Variants in DRC9 observed in about 807,000 individuals in gnomAD.
The protein encoded by DRC9 is dynein regulatory complex protein 9.
At chr3:197,905,996 G>A in the DRC9 span, among the ~76,000 whole-genome samples, 1 of 151,448 alleles carries the variant, frequency 6.6e-6, no homozygotes, top group Non-Finnish European at 1.5e-5. Flanking sequence ...GAAACCTACA[G>A]AGTAAATCTC....
chr3:197,955,650 T>G, the DRC9 span: 1 of 1,057,688 alleles, frequency 9.5e-7, no homozygotes, highest in Admixed American at 1.7e-5. Flanking sequence ...CTAGAACATG[T>G]AATTGGTAGC....
chr3:197,932,669 A>G, the DRC9 span, among the ~76,000 whole-genome samples: 1 of 145,346 alleles, frequency 6.9e-6, no homozygotes, highest in African/African-American at 2.7e-5. Flanking sequence ...AAATAAATAA[A>G]TAATATTTTC....
At chr3:197,951,731 C>T in the DRC9 span, 1 of 210,020 alleles carries the variant, frequency 4.8e-6, no homozygotes, top group Admixed American at 5.3e-5. Context: ...TGACAAGAGT[C>T]TCTGTTGCCC....
chr3:197,957,791 AG>A, the DRC9 span: 1 of 152,266 alleles, frequency 6.6e-6, no homozygotes, highest in Non-Finnish European at 1.5e-5. Context: ...TCATTGTGCC[AG>A]TTAAGTAGAT....
the DRC9 span, among the ~76,000 whole-genome samples, chr3:197,955,149 G>A: frequency 3.3e-5 from 5 of 152,086 alleles, no homozygotes; most frequent in African/African-American, 1.2e-4. Flanking sequence ...ATGTATTCTT[G>A]GGGCCAGGGG....
chr3:197,947,869 A>G, the DRC9 span, among the ~76,000 whole-genome samples: 5 of 134,448 alleles, frequency 3.7e-5, no homozygotes, highest in African/African-American at 1.4e-4. Flanking sequence ...TTAGGTAACT[A>G]TTTCTTTCCT....
the DRC9 span, among the ~76,000 whole-genome samples, chr3:197,945,185 C>T: frequency 6.6e-6 from 1 of 152,176 alleles, no homozygotes; most frequent in Admixed American, 6.5e-5. Context: ...GACATTGCAG[C>T]TTCTGCCTCA....
the DRC9 span, among the ~76,000 whole-genome samples, chr3:197,929,223 T>C: frequency 1.4e-4 from 22 of 152,280 alleles, no homozygotes; most frequent in Admixed American, 3.3e-4. This position sits in a 1 kb window ranked among gnomAD's most constrained non-coding sequence, Gnocchi z 4.6. Flanking sequence ...AACACATGGG[T>C]AGTCAGAGAA....
chr3:197,915,687 T>C, the DRC9 span, among the ~76,000 whole-genome samples: 9,496 of 151,996 alleles, frequency 0.062, 563 homozygotes, highest in African/African-American at 0.16. Context: ...TGGAGTGTAG[T>C]GGCATGATCT....
chr3:197,911,788 C>T, the DRC9 span, among the ~76,000 whole-genome samples: 4 of 151,234 alleles, frequency 2.6e-5, no homozygotes, highest in East Asian at 2.0e-4. Flanking sequence ...TACAGGCGCC[C>T]GCCACCATGC....
chr3:197,951,353 G>A, the DRC9 span: 1 of 1,602,714 alleles, frequency 6.2e-7, no homozygotes. Flanking sequence ...TTTGAGATCT[G>A]CCTCATTTTC....
chr3:197,912,711 AT>A, the DRC9 span: 1 of 1,613,976 alleles, frequency 6.2e-7, no homozygotes, highest in South Asian at 1.1e-5. Flanking sequence ...CAATCTCTGT[AT>A]GAGTCCGGGC....
the DRC9 span, among the ~76,000 whole-genome samples, chr3:197,893,570 G>A: frequency 1.4e-3 from 211 of 151,940 alleles, 2 homozygotes; most frequent in African/African-American, 4.8e-3. Flanking sequence ...AGGGCCGGGC[G>A]CAGTGGCTCA....
chr3:197,893,714 A>G, the DRC9 span, among the ~76,000 whole-genome samples: 1 of 148,500 alleles, frequency 6.7e-6, no homozygotes, highest in Admixed American at 6.7e-5. Context: ...CAGGCATGGT[A>G]GCCGGCACCT....
At chr3:197,929,020 C>T in the DRC9 span, among the ~76,000 whole-genome samples, 1 of 152,200 alleles carries the variant, frequency 6.6e-6, no homozygotes, top group South Asian at 2.1e-4. The surrounding 1 kb of genome is among the most constrained non-coding windows in gnomAD (Gnocchi z 4.6). Flanking sequence ...CTTTTCTCCT[C>T]TCGGGAGATC....
chr3:197,951,412 G>A, the DRC9 span: 1 of 1,311,378 alleles, frequency 7.6e-7, no homozygotes, highest in East Asian at 2.3e-5. Context: ...GGAATGCAGT[G>A]ACTTGGTCTC....
chr3:197,913,998 C>T, the DRC9 span: 2 of 1,614,176 alleles, frequency 1.2e-6, no homozygotes, highest in East Asian at 2.2e-5. Flanking sequence ...TTGCCTTCAT[C>T]TCTTGCAGTT....
the DRC9 span, among the ~76,000 whole-genome samples, chr3:197,933,209 A>T: frequency 6.6e-6 from 1 of 151,526 alleles, no homozygotes; most frequent in Non-Finnish European, 1.5e-5. Context: ...CACGCCTGTA[A>T]TCCCAGCACT....
chr3:197,953,965 T>C, the DRC9 span: 1 of 1,610,644 alleles, frequency 6.2e-7, no homozygotes, highest in East Asian at 2.2e-5. Flanking sequence ...TCCAACTATA[T>C]CAGCTTGTAT....
Sources: gnomAD v4.1 joint callset for allele counts (sites outside exome capture counted in the v4.1 genomes callset) on GRCh38, gnomAD v4.1.1 for gene constraint, Gnocchi (gnomAD v3.1) non-coding constraint, MANE v1.5 for transcripts, NCBI Gene and HGNC (gene_info 2026-07-23, HGNC 2026-07-21) for gene names.